The following CTNNA3 variants were observed in gnomAD, a reference collection of about 807,000 sequenced individuals.
The protein encoded by CTNNA3 is catenin alpha 3.
A neutral mutation model predicts 95.7 loss-of-function variants in CTNNA3; 76 were observed. The ratio of observed to expected loss-of-function variants is 0.79; its 90% CI spans 0.66 to 0.96. The LOEUF (loss-of-function observed/expected upper bound fraction) is 0.96, where lower values mean the gene tolerates loss of function less well. Ranked by LOEUF, CTNNA3 falls within the 40% of genes least tolerant of loss-of-function variation. The probability of loss-of-function intolerance (pLI) is 0.00; values close to 1 mark genes in which losing one functional copy is unlikely to be tolerated. For synonymous variants in CTNNA3, 431 were observed against 374.4 expected (o/e 1.15, Z -1.74); for missense variants, 1,191 against 1,089.8 (o/e 1.09, Z -1.31).
intron 13 of CTNNA3, among the ~76,000 whole-genome samples, chr10:66,167,496 A>C (rs1031201743): frequency 6.6e-5 from 10 of 152,176 alleles, no homozygotes; most frequent in Non-Finnish European, 1.0e-4. Context: ...TGAAGTTCCT[A>C]CTTAGAAGTA....
At chr10:66,360,751 C>T (rs868848354) in intron 12 of CTNNA3, among the ~76,000 whole-genome samples, 1 of 95,380 alleles carries the variant, frequency 1.0e-5, no homozygotes, top group East Asian at 3.0e-4. Context: ...TTTCTTCCTT[C>T]CTTCCTTCCT....
intron 5 of CTNNA3, among the ~76,000 whole-genome samples, chr10:67,386,978 C>T (rs1844194368): frequency 2.0e-5 from 3 of 152,224 alleles, no homozygotes; most frequent in Admixed American, 6.5e-5. Flanking sequence ...CCAAAACCTC[C>T]GTCCTACCTT....
At chr10:65,977,969 C>G (rs1171279032) in intron 16 of CTNNA3, among the ~76,000 whole-genome samples, 1 of 152,044 alleles carries the variant, frequency 6.6e-6, no homozygotes, top group Non-Finnish European at 1.5e-5. Flanking sequence ...TGACTTTTCC[C>G]ATCCCACAGG....
At chr10:67,121,854 T>C (rs1859479543) in intron 7 of CTNNA3, among the ~76,000 whole-genome samples, 1 of 151,908 alleles carries the variant, frequency 6.6e-6, no homozygotes, top group South Asian at 2.1e-4. Context: ...AACAGGGATA[T>C]AGGTCCATAT....
intron 5 of CTNNA3, among the ~76,000 whole-genome samples, chr10:67,477,097 G>A (rs1170056450): frequency 6.6e-6 from 1 of 152,062 alleles, no homozygotes; most frequent in Non-Finnish European, 1.5e-5. Flanking sequence ...TGGTGCAGCA[G>A]GGCCCTTTAC....
chr10:66,578,383 T>C (rs903809959), intron 10 of CTNNA3, among the ~76,000 whole-genome samples: 8 of 152,058 alleles, frequency 5.3e-5, no homozygotes, highest in Admixed American at 3.9e-4. Context: ...GTGGGCATCC[T>C]TGTCTTATTT....
chr10:67,475,667 T>C (rs893075965), intron 5 of CTNNA3, among the ~76,000 whole-genome samples: 7 of 152,196 alleles, frequency 4.6e-5, no homozygotes, highest in Admixed American at 4.6e-4. Flanking sequence ...TTAGAAATAG[T>C]CACTTATCTG....
At chr10:66,942,908 A>G (rs1431712539) in intron 7 of CTNNA3, among the ~76,000 whole-genome samples, 1 of 152,232 alleles carries the variant, frequency 6.6e-6, no homozygotes, top group Non-Finnish European at 1.5e-5. Context: ...CAAATTAATC[A>G]AAGAGTTACA....
intron 17 of CTNNA3, among the ~76,000 whole-genome samples, chr10:65,929,727 C>A (rs894168434): frequency 6.6e-6 from 1 of 151,990 alleles, no homozygotes; most frequent in Non-Finnish European, 1.5e-5. Context: ...CGCCACCACG[C>A]CCTGCTAATT....
At chr10:67,727,532 C>T (rs1841243668) in intron 1 of CTNNA3, among the ~76,000 whole-genome samples, 1 of 126,092 alleles carries the variant, frequency 7.9e-6, no homozygotes, top group African/African-American at 3.0e-5. Flanking sequence ...TATTATGTAA[C>T]ATATTATATA....
chr10:67,315,976 C>T (rs1025285903), intron 5 of CTNNA3, among the ~76,000 whole-genome samples: 1 of 151,956 alleles, frequency 6.6e-6, no homozygotes, highest in African/African-American at 2.4e-5. Flanking sequence ...AATAAATAGT[C>T]GTACTTGAAA....
Position 65,918,595 on chromosome 10 carries a change from G to A in CTNNA3, c.*1735C>T, listed in dbSNP as rs1408068816. 1 of 152,028 alleles carries A rather than the reference G, an allele frequency of 6.6e-6. No individual in the cohort carries two copies. Among genetic ancestry groups the A allele is most frequent in the Admixed American group, 6.6e-5 (1 of 15,250 alleles). The allele number at this position is 152,028 out of a possible 1,614,324, so 9.4% of individuals were successfully genotyped here. On this transcript the variant is annotated 3_prime_UTR_variant, in exon 18 of 18. Coordinates refer to ENST00000433211, the MANE Select transcript of CTNNA3 (RefSeq NM_013266.4). ...TCCCTTCTTCACTGCCTTTTCTTCT[G>A]GGCAGTGCATTCTGTTCAGAATAGT...
chr10:67,388,664 G>T (rs1238392463), intron 5 of CTNNA3, among the ~76,000 whole-genome samples: 1 of 151,164 alleles, frequency 6.6e-6, no homozygotes, highest in Non-Finnish European at 1.5e-5. Context: ...CAGAGAGAAA[G>T]GTCGGGTTAC....
At chr10:66,658,623 C>T (rs1564600439) in intron 9 of CTNNA3, among the ~76,000 whole-genome samples, 1 of 152,074 alleles carries the variant, frequency 6.6e-6, no homozygotes, top group African/African-American at 2.4e-5. Flanking sequence ...AAGTAAAAAG[C>T]GGAAAAAAGA....
intron 15 of CTNNA3, among the ~76,000 whole-genome samples, chr10:66,002,199 T>C (rs1229337786): frequency 2.0e-5 from 3 of 152,146 alleles, no homozygotes; most frequent in African/African-American, 7.2e-5. Context: ...AAAAGAGATA[T>C]AGACTCAAGC....
intron 5 of CTNNA3, chr10:67,403,412 C>T (rs1481203438): frequency 6.6e-6 from 1 of 152,192 alleles, no homozygotes; most frequent in East Asian, 1.9e-4. Context: ...AGATGGATCC[C>T]CAGCAACGCA....
chr10:65,925,697 A>G (rs1419007832), intron 17 of CTNNA3, among the ~76,000 whole-genome samples: 2 of 152,162 alleles, frequency 1.3e-5, no homozygotes, highest in Non-Finnish European at 2.9e-5. Flanking sequence ...TTGGCCTCCC[A>G]AAGTGCTGGG....
intron 6 of CTNNA3, among the ~76,000 whole-genome samples, chr10:67,208,297 T>C (rs1427425326): frequency 1.3e-5 from 2 of 148,916 alleles, no homozygotes; most frequent in African/African-American, 5.0e-5. Flanking sequence ...GAGACTTGCT[T>C]GAACCCAGGA....
At chr10:66,450,781 T>A (rs2093458453) in intron 11 of CTNNA3, among the ~76,000 whole-genome samples, 1 of 152,154 alleles carries the variant, frequency 6.6e-6, no homozygotes, top group Non-Finnish European at 1.5e-5. Context: ...AACTTATTAT[T>A]TCTTCTTTTT....
Sources: gnomAD v4.1 joint callset for allele counts (sites outside exome capture counted in the v4.1 genomes callset) on GRCh38, gnomAD v4.1.1 for gene constraint, MANE v1.5 for transcripts, NCBI Gene and HGNC (gene_info 2026-07-23, HGNC 2026-07-21) for gene names.